The following KMT2A variants were observed in gnomAD, a reference collection of about 807,000 sequenced individuals.
KMT2A encodes the protein lysine methyltransferase 2A, also known as histone-lysine N-methyltransferase 2A.
Under a neutral mutation model 345.3 loss-of-function variants are expected in KMT2A, and 16 were observed. The ratio of observed to expected loss-of-function variants is 0.05; its 90% CI spans 0.03 to 0.07. KMT2A has a LOEUF of 0.07. KMT2A is among the 10% of genes least tolerant of loss of function. The probability of loss-of-function intolerance (pLI) is 1.00; values close to 1 mark genes in which losing one functional copy is unlikely to be tolerated. For synonymous variants in KMT2A, 1,599 were observed against 1,778.6 expected (o/e 0.90, Z 2.54); for missense variants, 3,272 against 4,841.6 (o/e 0.68, Z 9.62).
chr11:118,514,578 C>T (rs943095994), intron 31 of KMT2A, among the ~76,000 whole-genome samples: 35 of 150,924 alleles, frequency 2.3e-4, no homozygotes, highest in African/African-American at 8.2e-4. Flanking sequence ...GTAGCTGGGA[C>T]TACAGGCGCA....
rs559099337 is a variant in KMT2A at position 118,520,188 on chromosome 11, C to T, written c.11429+124C>T. The T allele has an allele frequency of 3.0e-6, 2 of 671,686 alleles. No individual in the cohort carries two copies. The highest frequency in any genetic ancestry group is 1.9e-5 in the South Asian group (1 of 52,756). The allele number at this position is 671,686 out of a possible 1,614,324, so 41.6% of individuals were successfully genotyped here. On this transcript the variant is annotated intron_variant, in intron 33 of 35. Transcript: ENST00000534358. This position sits in a 1 kb window ranked among gnomAD's most constrained non-coding sequence, Gnocchi z 4.3. ...GATAAGATTTAAAAGGACTGAAAACCATTTGTGTTGAAGTAGCAGTAGGTG... is the reference window on the plus strand; with the variant it reads ...GATAAGATTTAAAAGGACTGAAAACTATTTGTGTTGAAGTAGCAGTAGGTG...
intron 1 of KMT2A, among the ~76,000 whole-genome samples, chr11:118,446,629 T>G (rs1437698680): frequency 6.6e-6 from 1 of 152,224 alleles, no homozygotes; most frequent in African/African-American, 2.4e-5. Context: ...AGTGTTTCTT[T>G]CATTTGTCCC....
Position 118,501,798 on chromosome 11 carries a change from G to A in KMT2A, c.6446G>A (p.Arg2149Gln), listed in dbSNP as rs782124549. Reference sequence around the variant, plus strand: ...GTCATCTCAAAGGTCCCCAGGATTCGAACACCCAGTTATTCTCCAACACAG... The same window carrying A: ...GTCATCTCAAAGGTCCCCAGGATTCAAACACCCAGTTATTCTCCAACACAG... ...YHVISKVPRI[R>Q]TPSYSPTQRS... is the part of the protein sequence containing the mutation. Residue 2149 changes from arginine to glutamine, a missense_variant, in exon 26 of 36, where the codon CGA (arginine) becomes CAA (glutamine). Physicochemically the swap from Arg to Gln is conservative, Grantham distance 43 (BLOSUM62 1). This residue lies in a region of KMT2A where 66 missense variants were observed against 73.9 expected (regional missense o/e 0.89). Transcript: ENST00000534358. 22 of 1,613,894 alleles carry A rather than the reference G, an allele frequency of 1.4e-5. No individual in the cohort carries two copies. The highest frequency in any genetic ancestry group is 8.3e-5 in the Admixed American group (5 of 59,986).
chr11:118,465,073 T>A (rs1233493415), intron 1 of KMT2A, among the ~76,000 whole-genome samples: 1 of 152,170 alleles, frequency 6.6e-6, no homozygotes, highest in Non-Finnish European at 1.5e-5. Context: ...GTATGCTGAT[T>A]TGTCTCCTTT....
At chr11:118,455,982 C>T (rs758187152) in intron 1 of KMT2A, among the ~76,000 whole-genome samples, 1 of 152,100 alleles carries the variant, frequency 6.6e-6, no homozygotes, top group Non-Finnish European at 1.5e-5. Context: ...AGCCACTGTG[C>T]CCAGCCTTGG....
intron 27 of KMT2A, 99 bp downstream of exon 27, chr11:118,506,745 C>A: frequency 7.9e-7 from 1 of 1,266,388 alleles, no homozygotes; most frequent in Non-Finnish European, 1.1e-6. Context: ...CTCTTCTGTT[C>A]AAGTTGCATT....
rs782811887 is a variant in KMT2A, at chr11:118,495,908, G to A, written c.5557+15G>A. 6.3e-7 allele frequency: 1 copy of A among 1,586,622 alleles called. No individual in the cohort carries two copies. The highest frequency in any genetic ancestry group is 1.1e-5 in the South Asian group (1 of 88,430). On this transcript the variant is annotated intron_variant, in intron 19 of 35. Coordinates refer to ENST00000534358, the MANE Select transcript of KMT2A (RefSeq NM_001197104.2). This position sits in a 1 kb window ranked among gnomAD's most constrained non-coding sequence, Gnocchi z 4.1. ...ACCAATTTTGAGTAAGCCACCAAAA[G>A]GAGAGTCGTCACCCATTTCCCTCTA...
chr11:118,503,278 C>T lies in KMT2A; in HGVS notation c.7386C>T (p.Asn2462=). Residue 2462 remains asparagine, a synonymous_variant, in exon 27 of 36, where the codon AAC becomes AAT. Transcript: ENST00000534358. The surrounding 1 kb of genome is among the most constrained non-coding windows in gnomAD (Gnocchi z 5.3). ...AGGTGACAACTGGTGAGGAAGGAAA[C>T]TTGAAGCCAGAGTTTATGGATGAGG... The part of the protein sequence containing the change: ...PGQVTTGEEG[N]LKPEFMDEVL... 1 of 1,614,078 alleles carries T rather than the reference C, an allele frequency of 6.2e-7. No individual in the cohort carries two copies. Among genetic ancestry groups the T allele is most frequent in the Non-Finnish European group, 8.5e-7 (1 of 1,180,006 alleles).
At chr11:118,518,370 C>G (rs1309281988) in intron 31 of KMT2A, among the ~76,000 whole-genome samples, 2 of 152,158 alleles carry the variant, frequency 1.3e-5, no homozygotes, top group Non-Finnish European at 1.5e-5. Context: ...AAAAAATGCT[C>G]ATTAACAGCA....
chr11:118,508,136 C>A (rs1311295062), intron 28 of KMT2A, among the ~76,000 whole-genome samples: 1 of 152,192 alleles, frequency 6.6e-6, no homozygotes, highest in Non-Finnish European at 1.5e-5. Context: ...CCCGCCCAAT[C>A]TACTCCCTAG....
intron 1 of KMT2A, among the ~76,000 whole-genome samples, chr11:118,442,886 G>C (rs1306973071): frequency 6.6e-6 from 1 of 152,102 alleles, no homozygotes; most frequent in Non-Finnish European, 1.5e-5. Flanking sequence ...TAGAGAAAAT[G>C]CTATCTTTTA....
intron 31 of KMT2A, among the ~76,000 whole-genome samples, chr11:118,512,810 T>C (rs552514608): frequency 6.6e-6 from 1 of 152,054 alleles, no homozygotes; most frequent in Non-Finnish European, 1.5e-5. Context: ...TTTGTTTTTT[T>C]TTTTTTATTT....
chr11:118,438,072 G>C (rs1949234454), intron 1 of KMT2A, among the ~76,000 whole-genome samples: 1 of 152,144 alleles, frequency 6.6e-6, no homozygotes, highest in African/African-American at 2.4e-5. Flanking sequence ...CAATCCTGGG[G>C]CTTGGAAGGG....
Position 118,503,474 on chromosome 11 carries a change from A to C in KMT2A, c.7582A>C (p.Thr2528Pro), listed in dbSNP as rs1555046691. 6.2e-7 allele frequency: 1 copy of C among 1,614,198 alleles called. No homozygotes were observed. ...GAAACGCACAGTCAAAGTGACACTG[A>C]CACCTCTAAAAATGGAAAATGAGAG... Reference protein sequence around the residue: ...PRKRTVKVTLTPLKMENESQS... With the variant: ...PRKRTVKVTLPPLKMENESQS... The change falls in exon 27 of 36, where the codon ACA (threonine) becomes CCA (proline). Residue 2528 changes from threonine to proline, a missense_variant. Thr to Pro is a conservative substitution (Grantham distance 38, BLOSUM62 -1). Coordinates refer to ENST00000534358, the MANE Select transcript of KMT2A (RefSeq NM_001197104.2). This position sits in a 1 kb window ranked among gnomAD's most constrained non-coding sequence, Gnocchi z 5.3.
chr11:118,496,027 C>G lies in KMT2A; in HGVS notation c.5557+134C>G. The G allele has an allele frequency of 3.5e-6, 3 of 846,838 alleles. No individual in the cohort carries two copies. The South Asian group carries it at 5.1e-5, about 15-fold the overall frequency. 52.5% of individuals were successfully genotyped at this position (846,838 alleles called of 1,614,324 possible). On this transcript the variant is annotated intron_variant, in intron 19 of 35. Coordinates refer to ENST00000534358, the MANE Select transcript of KMT2A (RefSeq NM_001197104.2). This position sits in a 1 kb window ranked among gnomAD's most constrained non-coding sequence, Gnocchi z 4.7. ...TTTCAGGTCATCCTTAAATGTAATACCATCATTAATTTTGCTTCACTTGAG... is the reference window on the plus strand; with the variant it reads ...TTTCAGGTCATCCTTAAATGTAATAGCATCATTAATTTTGCTTCACTTGAG...
In KMT2A at chr11:118,520,942, A is replaced by G. The variant is rs375252378; in HGVS notation, c.11513+57A>G. 7.6e-7 allele frequency: 1 copy of G among 1,321,964 alleles called. No homozygotes were observed. Among genetic ancestry groups the G allele is most frequent in the African/African-American group, 1.4e-5 (1 of 69,032 alleles). 81.9% of individuals were successfully genotyped at this position (1,321,964 alleles called of 1,614,324 possible). On this transcript the variant is annotated intron_variant, in intron 34 of 35. Transcript: ENST00000534358. This position sits in a 1 kb window ranked among gnomAD's most constrained non-coding sequence, Gnocchi z 4.3. ...AAACGAATGCAGTTTTTCAAAATCA[A>G]AGCAGACCAAATGCTGGAGTGACCT...
intron 8 of KMT2A, 143 bp downstream of exon 8, chr11:118,482,638 G>C: frequency 3.4e-6 from 2 of 589,968 alleles, no homozygotes; most frequent in Non-Finnish European, 5.8e-6. Context: ...AGCTGGGCAC[G>C]GTGGCTCACG....
chr11:118,473,368 A>G lies in KMT2A; in HGVS notation c.2209A>G (p.Lys737Glu). Reference protein sequence around the residue: ...SSSGVSNRKRKRKVFSPIRSE... With the variant: ...SSSGVSNRKRERKVFSPIRSE... ...TTCAGGAGTATCCAATAGAAAAAGG[A>G]AAAGAAAAGTGTTTAGTCCTATTCG... is the stretch of plus-strand genomic sequence containing the variant. The change falls in exon 3 of 36, where the codon AAA (lysine) becomes GAA (glutamate). Residue 737 changes from lysine (K) to glutamate (E), a missense_variant. By Grantham distance (56) the Lys-to-Glu change is moderately conservative (BLOSUM62 1). Around this residue, in one of 27 missense-constraint regions of KMT2A, gnomAD observed 114 missense variants for 203.2 expected, o/e 0.56. Transcript: ENST00000534358. The surrounding 1 kb of genome is among the most constrained non-coding windows in gnomAD (Gnocchi z 5.2). 5.0e-6 allele frequency: 8 copies of G among 1,614,044 alleles called. No homozygotes were observed. The highest frequency in any genetic ancestry group is 4.5e-5 in the East Asian group (2 of 44,874).
chr11:118,466,775 G>A (rs1418925535), intron 1 of KMT2A, among the ~76,000 whole-genome samples: 7 of 151,794 alleles, frequency 4.6e-5, no homozygotes, highest in African/African-American at 1.5e-4. Context: ...CTCCAGCCTG[G>A]GCGACAGAGC....
Sources: allele counts gnomAD v4.1 joint callset (sites outside exome capture counted in the v4.1 genomes callset), GRCh38; gene constraint gnomAD v4.1.1; regional missense constraint gnomAD v4.1.1; non-coding constraint Gnocchi (gnomAD v3.1); transcripts MANE v1.5; gene names NCBI Gene and HGNC (gene_info 2026-07-23, HGNC 2026-07-21).